The following OPHN1 variants were observed in gnomAD, a reference collection of about 807,000 sequenced individuals.
The protein encoded by OPHN1 is oligophrenin-1.
In OPHN1, 11 loss-of-function variants were observed where a neutral mutation model predicts 60.7. The ratio of observed to expected loss-of-function variants is 0.18; its 90% CI spans 0.11 to 0.30. The LOEUF is 0.30. OPHN1 is among the 10% of genes least tolerant of loss of function. The pLI, the probability that OPHN1 is intolerant of heterozygous loss-of-function variation, is 1.00. For synonymous variants in OPHN1, 226 were observed against 222.6 expected (o/e 1.02, Z -0.14); for missense variants, 449 against 611.0 (o/e 0.73, Z 2.80).
intron 2 of OPHN1, among the ~76,000 whole-genome samples, chrX:68,334,746 T>C (rs963303065): frequency 9.0e-6 from 1 of 110,689 alleles, no homozygotes; most frequent in African/African-American, 3.3e-5. Context: ...GAGGCCAAGG[T>C]GGAAGGATCC....
intron 2 of OPHN1, among the ~76,000 whole-genome samples, chrX:68,412,633 G>C (rs1397988864): frequency 9.0e-6 from 1 of 111,540 alleles, no homozygotes; most frequent in African/African-American, 3.3e-5. Context: ...GATTAAGATG[G>C]TACCTTTATG....
At chrX:68,078,202 AG>A (rs1467495271) in intron 19 of OPHN1, among the ~76,000 whole-genome samples, 3 of 111,141 alleles carry the variant, frequency 2.7e-5, no homozygotes, top group African/African-American at 9.8e-5. Context: ...CAACTGTGGA[AG>A]GGGGGTTGGC....
intron 15 of OPHN1, among the ~76,000 whole-genome samples, chrX:68,161,997 T>C (rs1023335721): frequency 2.7e-5 from 3 of 111,338 alleles, no homozygotes; most frequent in Non-Finnish European, 3.8e-5. Context: ...TAACATCACT[T>C]ATATAATGTT....
chrX:68,302,588 C>CA (rs1211598176), intron 2 of OPHN1, among the ~76,000 whole-genome samples: 56 of 92,362 alleles, frequency 6.1e-4, no homozygotes, highest in African/African-American at 1.3e-3. Flanking sequence ...GACTCTATCT[C>CA]AAAAAAAAAA....
chrX:68,295,569 T>C (rs763138276), intron 3 of OPHN1, among the ~76,000 whole-genome samples: 1 of 112,656 alleles, frequency 8.9e-6, no homozygotes, highest in East Asian at 2.8e-4. Flanking sequence ...ACACCTGGGA[T>C]TTCCTTTGGT....
At chrX:68,289,025 C>T (rs2078058359) in intron 3 of OPHN1, among the ~76,000 whole-genome samples, 1 of 110,872 alleles carries the variant, frequency 9.0e-6, no homozygotes. Context: ...AGAGAATAGT[C>T]ATTAAGGAGC....
intron 15 of OPHN1, among the ~76,000 whole-genome samples, chrX:68,135,994 A>G (rs2077217440): frequency 1.8e-5 from 2 of 111,789 alleles, no homozygotes; most frequent in South Asian, 7.5e-4. Context: ...GGTCAAGGGA[A>G]AGATCTGAGC....
chrX:68,202,658 G>A (rs982158976), intron 10 of OPHN1, among the ~76,000 whole-genome samples: 11 of 109,055 alleles, frequency 1.0e-4, no homozygotes, highest in East Asian at 3.0e-4. Context: ...CACCATGCCC[G>A]GCTAATTTTT....
At chrX:68,305,969 G>A (rs191711979) in intron 2 of OPHN1, among the ~76,000 whole-genome samples, 1 of 112,049 alleles carries the variant, frequency 8.9e-6, no homozygotes, top group East Asian at 2.8e-4. Context: ...AGGAAAGACT[G>A]AGAACAATGT....
At chrX:68,090,105 A>G (rs1175019499) in intron 19 of OPHN1, among the ~76,000 whole-genome samples, 1 of 111,598 alleles carries the variant, frequency 9.0e-6, no homozygotes, top group African/African-American at 3.3e-5. Context: ...ACATGTACAG[A>G]TAATAAAAAT....
At chrX:68,381,845 C>A (rs2078598630) in intron 2 of OPHN1, among the ~76,000 whole-genome samples, 1 of 111,184 alleles carries the variant, frequency 9.0e-6, no homozygotes, top group South Asian at 3.8e-4. Flanking sequence ...CTCTCTCTCG[C>A]TGTCTCTTTC....
chrX:68,385,210 C>A (rs2078618435), intron 2 of OPHN1, among the ~76,000 whole-genome samples: 1 of 111,342 alleles, frequency 9.0e-6, no homozygotes, highest in African/African-American at 3.3e-5. Flanking sequence ...CGGTCTTCCC[C>A]TCTGAAATAG....
At chrX:68,071,391 C>T in intron 20 of OPHN1, 3 of 727,380 alleles carry the variant, frequency 4.1e-6, no homozygotes, top group Non-Finnish European at 6.6e-6. Flanking sequence ...CTTCTTCTTC[C>T]ACATGAAAGT....
chrX:68,148,249 T>C (rs2077271626), intron 15 of OPHN1, among the ~76,000 whole-genome samples: 1 of 111,230 alleles, frequency 9.0e-6, no homozygotes, highest in Non-Finnish European at 1.9e-5. Context: ...GATAACACCA[T>C]AAAAAAGAAG....
At chrX:68,203,769 C>T (rs1417219132) in intron 10 of OPHN1, among the ~76,000 whole-genome samples, 6 of 111,960 alleles carry the variant, frequency 5.4e-5, no homozygotes, top group Admixed American at 4.8e-4. Context: ...CATGACTTTG[C>T]CTATATTAAT....
intron 2 of OPHN1, among the ~76,000 whole-genome samples, chrX:68,363,770 G>A (rs1233694657): frequency 9.0e-6 from 1 of 111,201 alleles, no homozygotes; most frequent in Non-Finnish European, 1.9e-5. Flanking sequence ...AATGCATACT[G>A]AAATATATAT....
At chrX:68,396,994 G>A (rs2078688161) in intron 2 of OPHN1, among the ~76,000 whole-genome samples, 1 of 110,225 alleles carries the variant, frequency 9.1e-6, no homozygotes, top group Admixed American at 9.7e-5. Context: ...CAATTACCTG[G>A]GTCTTGAGGT....
chrX:68,221,282 T>C (rs2077656059), intron 6 of OPHN1, among the ~76,000 whole-genome samples: 2 of 48,833 alleles, frequency 4.1e-5, no homozygotes, highest in African/African-American at 6.7e-5. Context: ...TAAAAGAGGA[T>C]ACAAACAAAT....
chrX:68,085,982 G>A (rs987270786), intron 19 of OPHN1, among the ~76,000 whole-genome samples: 5 of 110,215 alleles, frequency 4.5e-5, no homozygotes, highest in Non-Finnish European at 9.5e-5. Context: ...AGTTCAAGAC[G>A]AGCTTGGCCA....
Sources: gnomAD v4.1 joint callset for allele counts (sites outside exome capture counted in the v4.1 genomes callset) on GRCh38, gnomAD v4.1.1 for gene constraint, MANE v1.5 for transcripts, NCBI Gene and HGNC (gene_info 2026-07-23, HGNC 2026-07-21) for gene names.